Variants in AMPD1 observed in about 807,000 individuals in gnomAD.
AMPD1 encodes the protein AMP deaminase 1.
Under a neutral mutation model 82.9 loss-of-function variants are expected in AMPD1, and 74 were observed. That is an observed-to-expected ratio of 0.89 (90% CI 0.74 to 1.08). The LOEUF (loss-of-function observed/expected upper bound fraction) is 1.08. Among genes scored for constraint, AMPD1 ranks in the 50% least tolerant of loss-of-function variants. AMPD1 has a pLI of 0.00. For synonymous variants in AMPD1, 333 were observed against 320.5 expected (o/e 1.04, Z -0.42); for missense variants, 881 against 924.5 (o/e 0.95, Z 0.61).
chr1:114,685,818 C>T (rs1207909988), intron 4 of AMPD1, among the ~76,000 whole-genome samples: 1 of 152,126 alleles, frequency 6.6e-6, no homozygotes, highest in Non-Finnish European at 1.5e-5. Flanking sequence ...GTCTAAACCC[C>T]CTGCCATTTA....
chr1:114,688,776 C>A (rs1243865355), intron 2 of AMPD1, 35 bp from the exon 3 acceptor site: 1 of 1,612,628 alleles, frequency 6.2e-7, no homozygotes, highest in East Asian at 2.2e-5. Flanking sequence ...TGTTCAAGCC[C>A]CTTTTCAAAA....
intron 10 of AMPD1, chr1:114,676,313 T>A (rs2101712538): frequency 2.8e-6 from 1 of 358,664 alleles, no homozygotes; most frequent in East Asian, 7.1e-5. Flanking sequence ...CATAAAAGCT[T>A]CAATATATGT....
rs184683277 is a variant in AMPD1, at chr1:114,686,766, A to G, written c.360T>C (p.Ile120=). Residue 120 remains isoleucine (I), a synonymous_variant, in exon 4 of 16, where the codon ATT becomes ATC. Transcript: ENST00000520113. The part of the protein sequence containing the change: ...QTVPDFQRVQ[I]TGDYASGVTV... ...TCACCCCAGAGGCATAGTCACCAGT[A>G]ATCTGCACTCTCTGAAAATCAGGCA... The G allele has an allele frequency of 1.9e-6, 3 of 1,614,122 alleles. No homozygotes were observed. The highest frequency in any genetic ancestry group is 4.5e-5 in the East Asian group (2 of 44,874).
chr1:114,680,029 C>T (rs563912877), intron 6 of AMPD1, among the ~76,000 whole-genome samples: 150 of 152,314 alleles, frequency 9.8e-4, no homozygotes, highest in African/African-American at 3.4e-3. Flanking sequence ...AGGCAAGTTA[C>T]TTAAGTCATC....
At position 114,684,306 on chromosome 1, in the gene AMPD1, C is replaced by T. The variant is rs147852547; in HGVS notation, c.440G>A (p.Arg147His). Residue 147 changes from arginine (R) to histidine (H), a missense_variant, in exon 5 of 16, where the codon CGT becomes CAT. Physicochemically the swap from Arg to His is conservative, Grantham distance 29. Around this residue, in one of 2 missense-constraint regions of AMPD1, gnomAD observed 783 missense variants for 786.4 expected, o/e 1.00. Transcript: ENST00000520113. Reference sequence around the variant, plus strand: ...AAACGACTTCTGCATGTATTTCTCACGTATGCATAGTGCCCGATACAGACC... The same window carrying T: ...AAACGACTTCTGCATGTATTTCTCATGTATGCATAGTGCCCGATACAGACC... Reference protein sequence around the residue: ...CKGLYRALCIREKYMQKSFQR... With the variant: ...CKGLYRALCIHEKYMQKSFQR... The T allele has an allele frequency of 1.2e-4, 200 of 1,613,764 alleles. No homozygotes were observed. The highest frequency in any genetic ancestry group is 1.5e-4 in the Non-Finnish European group (181 of 1,179,998).
chr1:114,693,116 CAAAA>C (rs1658564435), intron 2 of AMPD1, among the ~76,000 whole-genome samples: 1 of 116,658 alleles, frequency 8.6e-6, no homozygotes, highest in Non-Finnish European at 1.7e-5. Flanking sequence ...CCATCCATCT[CAAAA>C]TAAATAAATA....
Position 114,676,109 on chromosome 1 carries a change from T to C in AMPD1, c.1389-106A>G. 5 of 1,316,742 alleles carry C rather than the reference T, an allele frequency of 3.8e-6. No homozygotes were observed. In the South Asian group the frequency reaches 6.0e-5, roughly 16 times the overall value. 81.6% of individuals were successfully genotyped at this position (1,316,742 alleles called of 1,614,324 possible). On this transcript the variant is annotated intron_variant, in intron 10 of 15. Transcript: ENST00000520113. Reference sequence around the variant, plus strand: ...CGAATGTCATGCACAGGAAAAGACGTGGTATATCTATCCTAGGTCCATGCT... The same window carrying C: ...CGAATGTCATGCACAGGAAAAGACGCGGTATATCTATCCTAGGTCCATGCT...
Position 114,686,811 on chromosome 1 carries a change from T to C in AMPD1, c.315A>G (p.Ser105=). The C allele has an allele frequency of 6.2e-7, 1 of 1,614,172 alleles. No homozygotes were observed. The highest frequency in any genetic ancestry group is 8.5e-7 in the Non-Finnish European group (1 of 1,180,022). Residue 105 remains serine (S), a synonymous_variant, in exon 4 of 16, where the codon TCA becomes TCG. Transcript: ENST00000520113. The part of the protein sequence containing the change: ...KLSHIDEYIS[S]SPTYQTVPDF... Reference sequence around the variant, plus strand: ...CAGGCACGGTCTGGTAGGTTGGAGATGAGGAAATGTATTCATCAATGTGGG... The same window carrying C: ...CAGGCACGGTCTGGTAGGTTGGAGACGAGGAAATGTATTCATCAATGTGGG...
chr1:114,677,409 C>T lies in AMPD1; in HGVS notation c.1330G>A (p.Val444Ile), dbSNP rs760431058. ...TTGGGGCAGTGGATGCGATTGCAGA[C>T]GAACCAGGAGGAGAGTTTGCTCCAC... Reference protein sequence around the residue: ...DEWSKLSSWFVCNRIHCPNMT... With the variant: ...DEWSKLSSWFICNRIHCPNMT... The change falls in exon 10 of 16, where the codon GTC becomes ATC. Residue 444 changes from valine to isoleucine, a missense_variant. Coordinates refer to ENST00000520113, the MANE Select transcript of AMPD1 (RefSeq NM_000036.3). The T allele has an allele frequency of 1.9e-5, 30 of 1,611,468 alleles. No individual in the cohort carries two copies. The highest frequency in any genetic ancestry group is 6.7e-5 in the East Asian group (3 of 44,802).
At chr1:114,677,720 C>T (rs544367354) in intron 9 of AMPD1, among the ~76,000 whole-genome samples, 190 bp downstream of exon 9, 1 of 151,876 alleles carries the variant, frequency 6.6e-6, no homozygotes, top group South Asian at 2.1e-4. Context: ...AGAGGAAATC[C>T]TTATATTCAT....
intron 2 of AMPD1, among the ~76,000 whole-genome samples, chr1:114,691,867 A>G (rs1004640324): frequency 2.6e-5 from 4 of 151,666 alleles, no homozygotes; most frequent in Non-Finnish European, 5.9e-5. Flanking sequence ...GGAGCTTGCA[A>G]TGAGCCGAGA....
chr1:114,694,844 A>G (rs1416866982), intron 1 of AMPD1, among the ~76,000 whole-genome samples: 5 of 152,186 alleles, frequency 3.3e-5, no homozygotes, highest in Admixed American at 2.0e-4. Flanking sequence ...ACCCTGTCTC[A>G]AAAAATAAAT....
rs759478830 is a variant in AMPD1 at position 114,686,829 on chromosome 1, A to C, written c.297T>G (p.Ile99Met). ...TTGGAGATGAGGAAATGTATTCATC[A>C]ATGTGGGACAGTTTGGTGGAAGATG... ...SETSSTKLSH[I>M]DEYISSSPTY... Residue 99 changes from isoleucine to methionine, a missense_variant, in exon 4 of 16, where the codon ATT becomes ATG. This residue lies in a region of AMPD1 where 783 missense variants were observed against 786.4 expected (regional missense o/e 1.00). Transcript: ENST00000520113. 31 of 1,614,038 alleles carry C rather than the reference A, an allele frequency of 1.9e-5. No individual in the cohort carries two copies. The highest frequency in any genetic ancestry group is 1.9e-5 in the Non-Finnish European group (23 of 1,180,002).
Position 114,675,605 on chromosome 1 carries a change from A to G in AMPD1, c.1604T>C (p.Leu535Ser), listed in dbSNP as rs1570837965. ...SKSPKPQEWT[L>S]EKNPSYTYYA... ...GTAAGTGTAAGATGGATTCTTTTCC[A>G]ATGTCCACTCCTGGGGCTTGGGACT... The change falls in exon 12 of 16, where the codon TTG becomes TCG. Residue 535 changes from leucine to serine, a missense_variant. Physicochemically the swap from Leu to Ser is moderately radical, Grantham distance 145. This residue lies in a region of AMPD1 where 783 missense variants were observed against 786.4 expected (regional missense o/e 1.00). Transcript: ENST00000520113. The G allele has an allele frequency of 6.2e-7, 1 of 1,614,196 alleles. No individual in the cohort carries two copies. Among genetic ancestry groups the G allele is most frequent in the Non-Finnish European group, 8.5e-7 (1 of 1,180,020 alleles).
chr1:114,689,965 G>C (rs1403706431), intron 2 of AMPD1, among the ~76,000 whole-genome samples: 2 of 152,130 alleles, frequency 1.3e-5, no homozygotes, highest in African/African-American at 4.8e-5. Context: ...GGTATTTCCA[G>C]AAAAGAGCTG....
chr1:114,694,292 T>A (rs998335549), intron 1 of AMPD1, among the ~76,000 whole-genome samples: 37 of 152,076 alleles, frequency 2.4e-4, no homozygotes, highest in Admixed American at 1.9e-3. Context: ...AGGGATTAAT[T>A]AAGAAAATAG....
At chr1:114,678,184 T>C in intron 8 of AMPD1, 143 bp from the exon 9 acceptor site, 2 of 1,454,788 alleles carry the variant, frequency 1.4e-6, no homozygotes, top group South Asian at 1.2e-5. Flanking sequence ...CAGGTGACAA[T>C]GAGCAAACTT....
At position 114,693,353 on chromosome 1, in the gene AMPD1, G is replaced by A. The variant is rs1658577405; in HGVS notation, c.34+83C>T. 3.7e-6 allele frequency: 5 copies of A among 1,346,172 alleles called. No individual in the cohort carries two copies. In the Admixed American group the frequency reaches 6.7e-5, roughly 18 times the overall value. 83.4% of individuals were successfully genotyped at this position (1,346,172 alleles called of 1,614,324 possible). A position where few individuals can be genotyped will look rare whatever the true frequency, so the allele number is the denominator to read the frequency against. On this transcript the variant is annotated intron_variant, in intron 2 of 15. Coordinates refer to ENST00000520113, the MANE Select transcript of AMPD1 (RefSeq NM_000036.3). ...ATTTAATAAACACTGCTGAAAAATA[G>A]CCATGTTTCTGAATTAAGGAATAGT...
rs766228935 is a variant in AMPD1, at chr1:114,677,410, G to C, written c.1329C>G (p.Phe443Leu). The C allele has an allele frequency of 6.2e-7, 1 of 1,611,502 alleles. No homozygotes were observed. The highest frequency in any genetic ancestry group is 2.2e-5 in the East Asian group (1 of 44,778). The change falls in exon 10 of 16, where the codon TTC (phenylalanine) becomes TTG (leucine). Residue 443 changes from phenylalanine (F) to leucine (L), a missense_variant. Around this residue, in one of 2 missense-constraint regions of AMPD1, gnomAD observed 783 missense variants for 786.4 expected, o/e 1.00. Coordinates refer to ENST00000520113, the MANE Select transcript of AMPD1 (RefSeq NM_000036.3). ...PDEWSKLSSWFVCNRIHCPNM... is the reference protein window; with the variant it reads ...PDEWSKLSSWLVCNRIHCPNM... The stretch of plus-strand genomic sequence containing the variant: ...TGGGGCAGTGGATGCGATTGCAGAC[G>C]AACCAGGAGGAGAGTTTGCTCCACT...
Sources: allele counts gnomAD v4.1 joint callset (sites outside exome capture counted in the v4.1 genomes callset), GRCh38; gene constraint gnomAD v4.1.1; regional missense constraint gnomAD v4.1.1; transcripts MANE v1.5; gene names NCBI Gene and HGNC (gene_info 2026-07-23, HGNC 2026-07-21).